Variants in DNAH5 observed in about 807,000 individuals in gnomAD.
DNAH5 encodes the protein dynein axonemal heavy chain 5.
DNAH5 carries 372 observed loss-of-function variants against 518.2 expected under a neutral mutation model. The observed-to-expected ratio is 0.72, with a 90% CI of 0.66 to 0.78. The LOEUF (loss-of-function observed/expected upper bound fraction) is 0.78, where lower values mean the gene tolerates loss of function less well. DNAH5 is among the 30% of genes least tolerant of loss of function. The pLI is 0.00. For synonymous variants in DNAH5, 2,039 were observed against 2,025.9 expected (o/e 1.01, Z -0.17); for missense variants, 5,523 against 5,687.0 (o/e 0.97, Z 0.93).
In DNAH5 at chr5:13,920,328, C is replaced by T. The variant is rs574582073; in HGVS notation, c.798+152G>A. The T allele has an allele frequency of 7.3e-4, 718 of 978,498 alleles. 2 individuals are homozygous for T. Among genetic ancestry groups the T allele is most frequent in the Non-Finnish European group, 1.0e-3 (643 of 626,782 alleles). The allele number at this position is 978,498 out of a possible 1,614,324, so 60.6% of individuals were successfully genotyped here. ...CTTACTACCTCTTCTTAATTCATGA[C>T]AGTAAAGGAAAACCACATTGGACCT... is the stretch of plus-strand genomic sequence containing the variant. On this transcript the variant is annotated intron_variant, in intron 6 of 78. Coordinates refer to ENST00000265104, the MANE Select transcript of DNAH5 (RefSeq NM_001369.3).
intron 52 of DNAH5, among the ~76,000 whole-genome samples, chr5:13,784,460 G>C (rs1014536695): frequency 3.9e-5 from 6 of 152,120 alleles, no homozygotes; most frequent in African/African-American, 1.4e-4. Flanking sequence ...AAGTGCCCTC[G>C]TGCTGGGGAG....
In DNAH5 at chr5:13,707,547, C is replaced by A. The variant is rs1742959115; in HGVS notation, c.13338+576G>T. 6.6e-6 allele frequency among the ~76,000 whole-genome samples: 1 copy of A among 152,134 alleles called. No individual in the cohort carries two copies. The highest frequency in any genetic ancestry group is 1.5e-5 in the Non-Finnish European group (1 of 68,016). The stretch of plus-strand genomic sequence containing the variant: ...ATGGGGTTGGAGCCCCAGAACAGTC[C>A]CTACAACCTGCCCCTCTGCATGCTC... On this transcript the variant is annotated intron_variant, in intron 76 of 78. Coordinates refer to ENST00000265104, the MANE Select transcript of DNAH5 (RefSeq NM_001369.3). This position sits in a 1 kb window ranked among gnomAD's most constrained non-coding sequence, Gnocchi z 4.0.
Position 13,902,118 on chromosome 5 carries a change from C to T in DNAH5, c.1665G>A (p.Met555Ile). 1 of 1,608,410 alleles carries T rather than the reference C, an allele frequency of 6.2e-7. No homozygotes were observed. ...TTTGAATCTTTGCAAATGTAACATCCATGAACTTCCGCAACTCGTTCTAAA... is the reference window on the plus strand; with the variant it reads ...TTTGAATCTTTGCAAATGTAACATCTATGAACTTCCGCAACTCGTTCTAAA... ...NDLHNELRKFMDVTFAKIQNT... is the reference protein window; with the variant it reads ...NDLHNELRKFIDVTFAKIQNT... Residue 555 changes from methionine to isoleucine, a missense_variant, in exon 13 of 79, where the codon ATG becomes ATA. By Grantham distance (10) the Met-to-Ile change is conservative. This residue lies in a region of DNAH5 where 5,121 missense variants were observed against 5,223.3 expected (regional missense o/e 0.98). Coordinates refer to ENST00000265104, the MANE Select transcript of DNAH5 (RefSeq NM_001369.3).
At chr5:13,990,430 A>G (rs339411) in intron 1 of DNAH5, among the ~76,000 whole-genome samples, 113,741 of 151,952 alleles carry the variant, frequency 0.75, 42,929 homozygotes, top group East Asian at 0.98. Context: ...GCGGGCGCCT[A>G]TAGTCCCAGC....
At chr5:13,881,516 A>C (rs190724541) in intron 21 of DNAH5, among the ~76,000 whole-genome samples, 25 of 152,198 alleles carry the variant, frequency 1.6e-4, no homozygotes, top group Non-Finnish European at 3.2e-4. Context: ...ATCAAACAGG[A>C]AAAACCATGC....
At chr5:13,901,094 T>A (rs939864291) in intron 14 of DNAH5, among the ~76,000 whole-genome samples, 158 bp downstream of exon 14, 1 of 152,228 alleles carries the variant, frequency 6.6e-6, no homozygotes, top group Non-Finnish European at 1.5e-5. Flanking sequence ...TAATTATTTT[T>A]CTTTGTGGAC....
chr5:13,757,460 A>G lies in DNAH5; in HGVS notation c.10419+1386T>C, dbSNP rs115750533. 7.5e-3 allele frequency among the ~76,000 whole-genome samples: 1,145 copies of G among 152,318 alleles called. 19 individuals are homozygous for G. The highest frequency in any genetic ancestry group is 0.026 in the African/African-American group (1,096 of 41,564). ...GTGCATTTCTCTAGTGATCAGTGAT[A>G]CTGAGCTTGTTTTCATATGATTGTT... On this transcript the variant is annotated intron_variant, in intron 61 of 78. Coordinates refer to ENST00000265104, the MANE Select transcript of DNAH5 (RefSeq NM_001369.3).
rs1031630558 is a variant in DNAH5, at chr5:13,690,899, G to A, written c.*1085C>T. 7 of 151,604 alleles carry A rather than the reference G, an allele frequency of 4.6e-5. No individual in the cohort carries two copies. The highest frequency in any genetic ancestry group is 8.8e-5 in the Non-Finnish European group (6 of 67,926). 9.4% of individuals were successfully genotyped at this position (151,604 alleles called of 1,614,324 possible). A position where few individuals can be genotyped will look rare whatever the true frequency, so the allele number is the denominator to read the frequency against. ...TTTTTTCAAGCCAACTATAATTCTT[G>A]CTATCACATCTGTTCTTATTTTTCT... On this transcript the variant is annotated 3_prime_UTR_variant, in exon 79 of 79. Transcript: ENST00000265104.
chr5:13,786,109 G>T, intron 52 of DNAH5, 70 bp downstream of exon 52: 2 of 1,440,422 alleles, frequency 1.4e-6, no homozygotes, highest in Non-Finnish European at 9.7e-7. Context: ...AATAAGAGAG[G>T]GAGAGGACCA....
At chr5:13,797,815 C>CA in intron 47 of DNAH5, among the ~76,000 whole-genome samples, 1 of 152,204 alleles carries the variant, frequency 6.6e-6, no homozygotes, top group Admixed American at 6.5e-5. Flanking sequence ...AAATGTCCAT[C>CA]AATGATAGAC....
rs1765103342 is a variant in DNAH5 at position 13,841,149 on chromosome 5, G to C, written c.5485-19C>G. On this transcript the variant is annotated intron_variant, in intron 33 of 78. Coordinates refer to ENST00000265104, the MANE Select transcript of DNAH5 (RefSeq NM_001369.3). ...ATCCAACCTTATGGAAATAAAAAAGGCTTCATGAATTTGTATGGCATATTT... is the reference window on the plus strand; with the variant it reads ...ATCCAACCTTATGGAAATAAAAAAGCCTTCATGAATTTGTATGGCATATTT... 6.3e-7 allele frequency: 1 copy of C among 1,588,206 alleles called. No individual in the cohort carries two copies. The highest frequency in any genetic ancestry group is 8.6e-7 in the Non-Finnish European group (1 of 1,157,354).
intron 30 of DNAH5, among the ~76,000 whole-genome samples, chr5:13,858,087 T>C (rs2652776): frequency 0.062 from 9,401 of 152,228 alleles, 309 homozygotes; most frequent in African/African-American, 0.079. Context: ...CAAAGGACTA[T>C]AAATCAATCT....
At chr5:13,920,702 C>T (rs1777158918) in intron 5 of DNAH5, 85 bp from the exon 6 acceptor site, 7 of 1,499,124 alleles carry the variant, frequency 4.7e-6, no homozygotes, top group African/African-American at 1.4e-5. Flanking sequence ...CTTTGCTGCA[C>T]TCTGACAGCG....
intron 68 of DNAH5, among the ~76,000 whole-genome samples, chr5:13,731,830 A>G (rs1316525766): frequency 2.0e-5 from 3 of 152,208 alleles, no homozygotes; most frequent in Non-Finnish European, 4.4e-5. Context: ...TGACTGAAAG[A>G]CCACCATCCA....
intron 68 of DNAH5, among the ~76,000 whole-genome samples, chr5:13,734,893 T>G (rs1489615841): frequency 6.6e-6 from 1 of 152,168 alleles, no homozygotes; most frequent in Admixed American, 6.5e-5. Flanking sequence ...AATCTATATA[T>G]GCTTTTCAAG....
rs1241911522 is a variant in DNAH5 at position 13,786,258 on chromosome 5, A to G, written c.8741T>C (p.Leu2914Pro). The part of the protein sequence containing the change: ...SHLKERLNMF[L>P]QLYNESIRGA... ...ACGGATGCTCTCATTATAGAGCTGC[A>G]GGAACATATTCAGACGCTCTTTTAG... Residue 2914 changes from leucine (L) to proline (P), a missense_variant, in exon 52 of 79, where the codon CTG becomes CCG. Around this residue, in one of 3 missense-constraint regions of DNAH5, gnomAD observed 5,121 missense variants for 5,223.3 expected, o/e 0.98. Coordinates refer to ENST00000265104, the MANE Select transcript of DNAH5 (RefSeq NM_001369.3). 1 of 1,614,006 alleles carries G rather than the reference A, an allele frequency of 6.2e-7. No individual in the cohort carries two copies. The highest frequency in any genetic ancestry group is 1.3e-5 in the African/African-American group (1 of 74,940).
At chr5:13,893,198 T>C (rs1487169597) in intron 16 of DNAH5, among the ~76,000 whole-genome samples, 2 of 152,138 alleles carry the variant, frequency 1.3e-5, no homozygotes, top group Admixed American at 6.5e-5. Flanking sequence ...CTAGGTACTA[T>C]GTTAACAGCC....
intron 72 of DNAH5, among the ~76,000 whole-genome samples, chr5:13,718,591 A>G (rs1744616685): frequency 6.6e-6 from 1 of 152,186 alleles, no homozygotes; most frequent in African/African-American, 2.4e-5. Flanking sequence ...CATAAAGACC[A>G]TAAATGACAA....
intron 1 of DNAH5, among the ~76,000 whole-genome samples, chr5:13,985,151 C>T (rs1400859563): frequency 1.3e-5 from 2 of 151,794 alleles, no homozygotes; most frequent in African/African-American, 4.8e-5. Flanking sequence ...AGCTGCAAAC[C>T]ATCATTCTCA....
Sources: gnomAD v4.1 joint callset for allele counts (sites outside exome capture counted in the v4.1 genomes callset) on GRCh38, gnomAD v4.1.1 for gene constraint, gnomAD v4.1.1 regional missense constraint, Gnocchi (gnomAD v3.1) non-coding constraint, MANE v1.5 for transcripts, NCBI Gene and HGNC (gene_info 2026-07-23, HGNC 2026-07-21) for gene names.